The following OPRM1 variants were observed in gnomAD, a reference collection of about 807,000 sequenced individuals.
The protein encoded by OPRM1 is opioid receptor mu 1.
In OPRM1, 27 loss-of-function variants were observed where a neutral mutation model predicts 31.8. The ratio of observed to expected loss-of-function variants is 0.85; its 90% CI spans 0.63 to 1.17. The LOEUF (loss-of-function observed/expected upper bound fraction) is 1.17. Among genes scored for constraint, OPRM1 ranks in the 50% most tolerant of loss-of-function variants. OPRM1 has a pLI of 0.00. For synonymous variants in OPRM1, 196 were observed against 189.9 expected, an observed-to-expected ratio of 1.03 and a Z score of -0.26; for missense variants, 536 against 511.1, an observed-to-expected ratio of 1.05 and a Z score of -0.47.
intron 3 of OPRM1, among the ~76,000 whole-genome samples, chr6:154,223,904 T>C (rs1473375383): frequency 1.3e-5 from 2 of 152,220 alleles, no homozygotes; most frequent in African/African-American, 4.8e-5. Flanking sequence ...AAAGACTGCA[T>C]AAGAAAATTA....
chr6:154,059,643 A>C (rs1784020157), intron 1 of OPRM1, among the ~76,000 whole-genome samples: 1 of 152,160 alleles, frequency 6.6e-6, no homozygotes, highest in Non-Finnish European at 1.5e-5. Context: ...TGTGTCTGGT[A>C]TTTTTGTTGT....
chr6:154,225,493 A>G (rs1165873340), intron 3 of OPRM1, among the ~76,000 whole-genome samples: 2 of 152,246 alleles, frequency 1.3e-5, no homozygotes, highest in East Asian at 3.8e-4. Flanking sequence ...CAGACACAAA[A>G]GCTCATCTCT....
intron 1 of OPRM1, among the ~76,000 whole-genome samples, chr6:154,044,857 A>G (rs775214905): frequency 3.3e-5 from 5 of 152,200 alleles, no homozygotes; most frequent in Non-Finnish European, 7.3e-5. Context: ...GTTGAAACAG[A>G]TATTTTAAGG....
chr6:154,110,904 AAAAAAGAG>A (rs1376992437), intron 3 of OPRM1, among the ~76,000 whole-genome samples: 3 of 142,556 alleles, frequency 2.1e-5, no homozygotes, highest in Non-Finnish European at 3.2e-5. Flanking sequence ...AAAAAAAAAA[AAAAAAGAG>A]AGAATTAGGA....
At chr6:154,067,886 T>G (rs767552002) in intron 1 of OPRM1, among the ~76,000 whole-genome samples, 67 of 152,170 alleles carry the variant, frequency 4.4e-4, no homozygotes, top group Non-Finnish European at 7.1e-4. Flanking sequence ...ATGCCTTTCT[T>G]TGTCACTTGT....
intron 1 of OPRM1, among the ~76,000 whole-genome samples, chr6:154,064,112 C>G (rs1416129619): frequency 6.6e-6 from 1 of 152,018 alleles, no homozygotes; most frequent in African/African-American, 2.4e-5. Context: ...GGGTCCTATA[C>G]GTTCTTCATA....
At chr6:154,044,773 T>C (rs1583203432) in intron 1 of OPRM1, among the ~76,000 whole-genome samples, 1 of 152,358 alleles carries the variant, frequency 6.6e-6, no homozygotes, top group Admixed American at 6.5e-5. Flanking sequence ...TTTGAGATTT[T>C]GAACATCTAA....
At chr6:154,027,782 C>G (rs1778782589) in intron 1 of OPRM1, among the ~76,000 whole-genome samples, 1 of 152,184 alleles carries the variant, frequency 6.6e-6, no homozygotes, top group Admixed American at 6.5e-5. Context: ...ATGGGGAGTA[C>G]TGCCAGACTA....
intron 3 of OPRM1, among the ~76,000 whole-genome samples, chr6:154,106,283 G>T (rs1795562557): frequency 6.6e-6 from 1 of 152,294 alleles, no homozygotes; most frequent in Non-Finnish European, 1.5e-5. Context: ...ATGTGATAAT[G>T]TTAACTCTTA....
At chr6:154,160,935 G>A (rs1437211514) in intron 3 of OPRM1, among the ~76,000 whole-genome samples, 3 of 152,178 alleles carry the variant, frequency 2.0e-5, no homozygotes, top group African/African-American at 4.8e-5. Context: ...GAGCAGGGAT[G>A]CATGTAAATG....
At chr6:154,243,425 T>C (rs895801028) in intron 3 of OPRM1, among the ~76,000 whole-genome samples, 22 of 152,196 alleles carry the variant, frequency 1.4e-4, no homozygotes, top group African/African-American at 4.3e-4. Flanking sequence ...CAATGAATTC[T>C]AGGTAGTATA....
In OPRM1 at chr6:154,119,687, T is replaced by C. The variant is rs1432759783; in HGVS notation, c.*966T>C. Among the ~76,000 whole-genome samples, 2 of 152,220 alleles carry C rather than the reference T, an allele frequency of 1.3e-5. No individual in the cohort carries two copies. The highest frequency in any genetic ancestry group is 4.8e-5 in the African/African-American group (2 of 41,470). ...TGTGATAAAATGACAGATGTTTTTG[T>C]TGATTGCCAGAACAGTTTAAACTTT... On this transcript the variant is annotated 3_prime_UTR_variant, in exon 4 of 4. Transcript: ENST00000330432.
At chr6:154,081,852 ACT>A (rs1789238344) in intron 1 of OPRM1, among the ~76,000 whole-genome samples, 1 of 152,032 alleles carries the variant, frequency 6.6e-6, no homozygotes, top group Non-Finnish European at 1.5e-5. Context: ...AATACTTGTA[ACT>A]CTGTGTGCCT....
intron 1 of OPRM1, among the ~76,000 whole-genome samples, chr6:154,053,643 G>A (rs1782629409): frequency 6.6e-6 from 1 of 152,100 alleles, no homozygotes; most frequent in Non-Finnish European, 1.5e-5. Context: ...AAGACTCACT[G>A]AAATCTCCTC....
chr6:154,139,872 A>G (rs961143740), intron 3 of OPRM1, among the ~76,000 whole-genome samples: 1 of 152,110 alleles, frequency 6.6e-6, no homozygotes, highest in Non-Finnish European at 1.5e-5. Flanking sequence ...GACCAAGATG[A>G]CCAGAAAAAA....
intron 3 of OPRM1, among the ~76,000 whole-genome samples, chr6:154,174,867 A>T (rs1434482793): frequency 6.6e-6 from 1 of 152,228 alleles, no homozygotes; most frequent in East Asian, 1.9e-4. Flanking sequence ...AACAGAATAT[A>T]GATTTTTCTC....
chr6:154,141,571 G>A (rs1371275447), intron 3 of OPRM1, among the ~76,000 whole-genome samples: 2 of 152,204 alleles, frequency 1.3e-5, no homozygotes, highest in Non-Finnish European at 2.9e-5. Context: ...AGGTCCTGAC[G>A]ACATGTGCCC....
intron 1 of OPRM1, 126 bp downstream of exon 1, chr6:154,039,960 CTG>C: frequency 2.8e-6 from 2 of 727,120 alleles, no homozygotes; most frequent in Non-Finnish European, 2.2e-6. Flanking sequence ...TGGGGGGACT[CTG>C]GAGGAGACCA....
At chr6:154,109,044 A>G in intron 3 of OPRM1, 4 of 985,054 alleles carry the variant, frequency 4.1e-6, no homozygotes, top group Non-Finnish European at 4.8e-6. Context: ...TCACATCAAG[A>G]GAATTCTAGT....
Sources: gnomAD v4.1 joint callset for allele counts (sites outside exome capture counted in the v4.1 genomes callset) on GRCh38, gnomAD v4.1.1 for gene constraint, MANE v1.5 for transcripts, NCBI Gene and HGNC (gene_info 2026-07-23, HGNC 2026-07-21) for gene names.